The following DYNC1I1 variants were observed in gnomAD, a reference collection of about 807,000 sequenced individuals.
The protein encoded by DYNC1I1 is cytoplasmic dynein 1 intermediate chain 1.
Under a neutral mutation model 86.6 loss-of-function variants are expected in DYNC1I1, and 43 were observed. That is an observed-to-expected ratio of 0.50 (90% CI 0.39 to 0.64). DYNC1I1 has a LOEUF of 0.64. Ranked by LOEUF, DYNC1I1 falls within the 30% of genes least tolerant of loss-of-function variation. The probability of loss-of-function intolerance (pLI) is 0.00; values close to 1 mark genes in which losing one functional copy is unlikely to be tolerated. For synonymous variants in DYNC1I1, 262 were observed against 283.7 expected (o/e 0.92, Z 0.77); for missense variants, 604 against 788.8 (o/e 0.77, Z 2.81).
chr7:95,876,249 G>A (rs995596), intron 6 of DYNC1I1, among the ~76,000 whole-genome samples: 23,991 of 152,006 alleles, frequency 0.16, 1,944 homozygotes, highest in Admixed American at 0.21. Flanking sequence ...CTCTTCTTCC[G>A]AAATGCTCCT....
intron 5 of DYNC1I1, among the ~76,000 whole-genome samples, chr7:95,860,013 T>C (rs1160457615): frequency 6.6e-6 from 1 of 152,212 alleles, no homozygotes; most frequent in Non-Finnish European, 1.5e-5. Flanking sequence ...TATTTTCTTA[T>C]TATTGTGCTA....
chr7:95,887,054 T>C (rs1346536274), intron 6 of DYNC1I1, among the ~76,000 whole-genome samples: 1 of 152,190 alleles, frequency 6.6e-6, no homozygotes, highest in Non-Finnish European at 1.5e-5. Context: ...CTCGTGGGCA[T>C]AGGAGGTCCT....
rs181290832 is a variant in DYNC1I1 at position 95,953,743 on chromosome 7, T to C, written c.491-23769T>C. Among the ~76,000 whole-genome samples the C allele has an allele frequency of 2.1e-4, 32 of 152,326 alleles. No individual in the cohort carries two copies. In the East Asian group the frequency reaches 6.0e-3, roughly 28 times the overall value. Reference sequence around the variant, plus strand: ...GGAGAAAAGATGATAGGATTACCTCTGCAGTTTGCCGTTCTTGCTAGTTGT... The same window carrying C: ...GGAGAAAAGATGATAGGATTACCTCCGCAGTTTGCCGTTCTTGCTAGTTGT... On this transcript the variant is annotated intron_variant, in intron 6 of 16. Coordinates refer to ENST00000447467, the MANE Select transcript of DYNC1I1 (RefSeq NM_001135556.2).
At chr7:96,084,759 A>T (rs1790629756) in intron 16 of DYNC1I1, among the ~76,000 whole-genome samples, 1 of 152,140 alleles carries the variant, frequency 6.6e-6, no homozygotes. Flanking sequence ...AAAAATGTTT[A>T]ATGAGAAGGG....
At chr7:95,865,046 C>A (rs1415593250) in intron 5 of DYNC1I1, among the ~76,000 whole-genome samples, 1 of 152,096 alleles carries the variant, frequency 6.6e-6, no homozygotes, top group Non-Finnish European at 1.5e-5. Flanking sequence ...ATTTCTGACT[C>A]AGTGGGTTGG....
chr7:95,877,987 T>C (rs776713046), intron 6 of DYNC1I1, among the ~76,000 whole-genome samples: 2 of 152,176 alleles, frequency 1.3e-5, no homozygotes, highest in Non-Finnish European at 2.9e-5. Flanking sequence ...AGGACCAGTA[T>C]GAGAGGATTC....
At chr7:95,963,198 T>G (rs1297554024) in intron 6 of DYNC1I1, among the ~76,000 whole-genome samples, 1 of 152,132 alleles carries the variant, frequency 6.6e-6, no homozygotes, top group Non-Finnish European at 1.5e-5. Context: ...CCACTTCCCT[T>G]TCTTCCCTCT....
intron 6 of DYNC1I1, among the ~76,000 whole-genome samples, chr7:95,899,891 A>C (rs940589820): frequency 6.6e-6 from 1 of 152,126 alleles, no homozygotes; most frequent in Non-Finnish European, 1.5e-5. Context: ...CTCTGTATGT[A>C]TCTCTTTTGC....
At chr7:95,935,043 A>G (rs994125793) in intron 6 of DYNC1I1, among the ~76,000 whole-genome samples, 4 of 151,810 alleles carry the variant, frequency 2.6e-5, no homozygotes, top group Non-Finnish European at 5.9e-5. Context: ...ATTATTGTTA[A>G]CTATAGATAC....
intron 16 of DYNC1I1, among the ~76,000 whole-genome samples, chr7:96,088,689 G>A (rs1007023043): frequency 2.0e-5 from 3 of 152,122 alleles, no homozygotes; most frequent in African/African-American, 4.8e-5. Flanking sequence ...TTTCTTACAT[G>A]TGTATGTGTG....
intron 14 of DYNC1I1, among the ~76,000 whole-genome samples, chr7:96,058,418 C>G (rs1490316793): frequency 6.6e-6 from 1 of 152,052 alleles, no homozygotes; most frequent in Non-Finnish European, 1.5e-5. Context: ...TTTAGTATTG[C>G]CTGAAGTTAG....
At chr7:95,890,822 A>G (rs529501141) in intron 6 of DYNC1I1, among the ~76,000 whole-genome samples, 4 of 152,224 alleles carry the variant, frequency 2.6e-5, no homozygotes, top group African/African-American at 9.6e-5. Context: ...TCTGGGCACC[A>G]GTTTGAAAAC....
chr7:95,977,416 T>C lies in DYNC1I1; in HGVS notation c.491-96T>C, dbSNP rs1793333354. ...TTTACTTAGATGTTGCCCTAAATGATTGGAACTTTACCCTTTACCCCTACC... is the reference window on the plus strand; with the variant it reads ...TTTACTTAGATGTTGCCCTAAATGACTGGAACTTTACCCTTTACCCCTACC... On this transcript the variant is annotated intron_variant, in intron 6 of 16. Transcript: ENST00000447467. 13 of 1,086,344 alleles carry C rather than the reference T, an allele frequency of 1.2e-5. No individual in the cohort carries two copies. In the South Asian group the frequency reaches 2.1e-4, roughly 18 times the overall value. 67.3% of individuals were successfully genotyped at this position (1,086,344 alleles called of 1,614,324 possible). A position where few individuals can be genotyped will look rare whatever the true frequency, so the allele number is the denominator to read the frequency against.
chr7:95,854,313 G>GT (rs1789659386), intron 5 of DYNC1I1, among the ~76,000 whole-genome samples: 1 of 151,754 alleles, frequency 6.6e-6, no homozygotes, highest in Non-Finnish European at 1.5e-5. Flanking sequence ...TCTACTATAG[G>GT]TTTTTGCTTT....
At chr7:95,804,269 A>G (rs1274626454) in intron 1 of DYNC1I1, 1 of 776,480 alleles carries the variant, frequency 1.3e-6, no homozygotes. Flanking sequence ...GAGTCCATAG[A>G]AATTTGAGCA....
chr7:95,814,639 C>T (rs1387631021), intron 4 of DYNC1I1, among the ~76,000 whole-genome samples: 1 of 152,096 alleles, frequency 6.6e-6, no homozygotes. Context: ...GATAATCTAG[C>T]GTTGATCTGA....
intron 5 of DYNC1I1, among the ~76,000 whole-genome samples, chr7:95,858,664 A>G (rs533847691): frequency 6.6e-6 from 1 of 151,972 alleles, no homozygotes; most frequent in Admixed American, 6.6e-5. Flanking sequence ...ACTTATAGGA[A>G]TTTTTCAACT....
chr7:95,775,309 C>T (rs1329323430), intron 1 of DYNC1I1, among the ~76,000 whole-genome samples: 1 of 152,180 alleles, frequency 6.6e-6, no homozygotes, highest in African/African-American at 2.4e-5. Flanking sequence ...AAGCTCTTCT[C>T]TTATCTCATT....
At chr7:95,822,611 G>A (rs1269481895) in intron 4 of DYNC1I1, among the ~76,000 whole-genome samples, 1 of 152,164 alleles carries the variant, frequency 6.6e-6, no homozygotes, top group East Asian at 1.9e-4. Flanking sequence ...TTGGTCCAGA[G>A]TAGGTACAGA....
Sources: gnomAD v4.1 joint callset for allele counts (sites outside exome capture counted in the v4.1 genomes callset) on GRCh38, gnomAD v4.1.1 for gene constraint, MANE v1.5 for transcripts, NCBI Gene and HGNC (gene_info 2026-07-23, HGNC 2026-07-21) for gene names.